The following CNTNAP5 variants were observed in gnomAD, a reference collection of about 807,000 sequenced individuals.
The protein encoded by CNTNAP5 is contactin associated protein family member 5, also known as contactin-associated protein-like 5.
A neutral mutation model predicts 150.2 loss-of-function variants in CNTNAP5; 72 were observed. That is an observed-to-expected ratio of 0.48 (90% confidence interval 0.40 to 0.58). CNTNAP5 has a LOEUF of 0.58. Ranked by LOEUF, CNTNAP5 falls within the 20% of genes least tolerant of loss-of-function variation. CNTNAP5 has a pLI of 0.00. For synonymous variants in CNTNAP5, 672 were observed against 619.8 expected, an observed-to-expected ratio of 1.08 and a Z score of -1.25; for missense variants, 1,636 against 1,626.2, an observed-to-expected ratio of 1.01 and a Z score of -0.10.
intron 16 of CNTNAP5, among the ~76,000 whole-genome samples, chr2:124,769,405 G>T (rs545489908): frequency 1.3e-5 from 2 of 152,048 alleles, no homozygotes; most frequent in Admixed American, 1.3e-4. Flanking sequence ...GCCCTGAAAG[G>T]CTAAGACTCC....
chr2:124,096,423 T>C (rs1682933666), intron 1 of CNTNAP5, among the ~76,000 whole-genome samples: 1 of 152,212 alleles, frequency 6.6e-6, no homozygotes, highest in Non-Finnish European at 1.5e-5. Flanking sequence ...TAGCTCCTTC[T>C]TGCCAATTTA....
At chr2:124,374,198 T>A (rs1224601861) in intron 3 of CNTNAP5, among the ~76,000 whole-genome samples, 1 of 148,770 alleles carries the variant, frequency 6.7e-6, no homozygotes, top group East Asian at 1.9e-4. Context: ...TAGAGAAATG[T>A]CAATTATATT....
chr2:124,825,032 T>A (rs1035495362), intron 19 of CNTNAP5, among the ~76,000 whole-genome samples: 28 of 152,282 alleles, frequency 1.8e-4, no homozygotes, highest in Admixed American at 1.6e-3. Flanking sequence ...ACTTACATAT[T>A]CTTAACTATT....
At position 124,577,256 on chromosome 2, in the gene CNTNAP5, A is replaced by G. The variant is rs35767457; in HGVS notation, c.1756+13933A>G. Among the ~76,000 whole-genome samples the G allele has an allele frequency of 2.8e-3, 427 of 152,304 alleles. 1 individual carries two copies. Among genetic ancestry groups the G allele is most frequent in the Non-Finnish European group, 4.4e-3 (301 of 68,022 alleles). On this transcript the variant is annotated intron_variant, in intron 11 of 23. Coordinates refer to ENST00000682447, the MANE Select transcript of CNTNAP5 (RefSeq NM_001367498.1). Reference sequence around the variant, plus strand: ...CATAGCTCCTGAAATCACTGGATTCAGAACATACCTAGGAACAATCAGAGT... The same window carrying G: ...CATAGCTCCTGAAATCACTGGATTCGGAACATACCTAGGAACAATCAGAGT...
chr2:124,630,755 G>A (rs906382087), intron 12 of CNTNAP5, among the ~76,000 whole-genome samples: 1 of 151,956 alleles, frequency 6.6e-6, no homozygotes, highest in African/African-American at 2.4e-5. Flanking sequence ...AGAAATAAAG[G>A]GTATTCAAAT....
intron 4 of CNTNAP5, among the ~76,000 whole-genome samples, chr2:124,423,868 G>T: frequency 7.4e-6 from 1 of 134,310 alleles, no homozygotes; most frequent in South Asian, 2.5e-4. Flanking sequence ...GTTTCACCGT[G>T]TTAGCCAGGA....
At chr2:124,682,179 T>C (rs1448096031) in intron 13 of CNTNAP5, among the ~76,000 whole-genome samples, 2 of 152,148 alleles carry the variant, frequency 1.3e-5, no homozygotes, top group Admixed American at 1.3e-4. Context: ...ACCTTGAAGA[T>C]TCCCAGGAGC....
At chr2:124,585,327 A>G (rs1483561497) in intron 11 of CNTNAP5, among the ~76,000 whole-genome samples, 7 of 152,100 alleles carry the variant, frequency 4.6e-5, no homozygotes, top group Non-Finnish European at 1.0e-4. Context: ...CTCAGTTTTT[A>G]CTTGAGCAAC....
At chr2:124,086,785 G>GT (rs2104681645) in intron 1 of CNTNAP5, among the ~76,000 whole-genome samples, 1 of 151,488 alleles carries the variant, frequency 6.6e-6, no homozygotes, top group African/African-American at 2.4e-5. Flanking sequence ...CTTTTAAGTG[G>GT]TAACCTTAGG....
Position 124,254,012 on chromosome 2 carries a change from A to G in CNTNAP5, c.381+11619A>G, listed in dbSNP as rs114857770. Among the ~76,000 whole-genome samples the G allele has an allele frequency of 2.2e-3, 337 of 152,276 alleles. 1 individual carries two copies. The highest frequency in any genetic ancestry group is 7.8e-3 in the African/African-American group (325 of 41,558). ...GCAAATCTGAGTTTGAATCCCTGCT[A>G]CTTACTGATGGTTTCACCCTGGGCA... is the stretch of plus-strand genomic sequence containing the variant. On this transcript the variant is annotated intron_variant, in intron 3 of 23. Coordinates refer to ENST00000682447, the MANE Select transcript of CNTNAP5 (RefSeq NM_001367498.1).
At chr2:124,028,630 T>C (rs1680961887) in intron 1 of CNTNAP5, among the ~76,000 whole-genome samples, 1 of 152,106 alleles carries the variant, frequency 6.6e-6, no homozygotes, top group African/African-American at 2.4e-5. Context: ...GTAGATATAG[T>C]AGGCCAATGT....
chr2:124,634,665 G>T (rs1677935332), intron 12 of CNTNAP5, among the ~76,000 whole-genome samples: 1 of 152,022 alleles, frequency 6.6e-6, no homozygotes, highest in African/African-American at 2.4e-5. Flanking sequence ...GCACTACCAT[G>T]CCTGGCTAAT....
At chr2:124,229,725 C>T (rs147943568) in intron 2 of CNTNAP5, among the ~76,000 whole-genome samples, 165 of 152,038 alleles carry the variant, frequency 1.1e-3, no homozygotes, top group East Asian at 7.2e-3. Flanking sequence ...ACTTACTGTC[C>T]GCAGGAAGTG....
At chr2:124,554,422 C>CTTTTTTTTT (rs5834078) in intron 10 of CNTNAP5, among the ~76,000 whole-genome samples, 4 of 137,128 alleles carry the variant, frequency 2.9e-5, no homozygotes, top group Non-Finnish European at 4.6e-5. Context: ...ATACTTTTTT[C>CTTTTTTTTT]TTTTTTTTTT....
intron 5 of CNTNAP5, among the ~76,000 whole-genome samples, chr2:124,436,792 G>A (rs1266054926): frequency 6.6e-6 from 1 of 152,158 alleles, no homozygotes; most frequent in Non-Finnish European, 1.5e-5. Flanking sequence ...GGATTAAGTA[G>A]TAAGAACATA....
chr2:124,333,853 C>T (rs1055540252), intron 3 of CNTNAP5, among the ~76,000 whole-genome samples: 2 of 152,120 alleles, frequency 1.3e-5, no homozygotes, highest in Admixed American at 6.6e-5. Flanking sequence ...CCTAAGCATG[C>T]AAAGAAACAA....
chr2:124,899,597 T>C (rs1678375127), intron 21 of CNTNAP5, among the ~76,000 whole-genome samples: 1 of 151,568 alleles, frequency 6.6e-6, no homozygotes, highest in Non-Finnish European at 1.5e-5. Context: ...AATTCTTTTT[T>C]TGGATAAGAT....
chr2:124,808,304 C>A (rs766698739), intron 19 of CNTNAP5, among the ~76,000 whole-genome samples: 1 of 152,098 alleles, frequency 6.6e-6, no homozygotes, highest in Non-Finnish European at 1.5e-5. Flanking sequence ...TCTTAAACTC[C>A]TTCAAAATGA....
intron 10 of CNTNAP5, among the ~76,000 whole-genome samples, chr2:124,527,786 C>T (rs745898504): frequency 2.0e-5 from 3 of 152,206 alleles, no homozygotes; most frequent in Non-Finnish European, 4.4e-5. Flanking sequence ...TTACTTCTCT[C>T]CTAAACCATT....
Sources: allele counts gnomAD v4.1 joint callset (sites outside exome capture counted in the v4.1 genomes callset), GRCh38; gene constraint gnomAD v4.1.1; transcripts MANE v1.5; gene names NCBI Gene and HGNC (gene_info 2026-07-23, HGNC 2026-07-21).